UGT1A7: variants seen among roughly 807,000 people sequenced by gnomAD.
UGT1A7 encodes UDP glucuronosyltransferase family 1 member A7.
Under a neutral mutation model 45.6 loss-of-function variants are expected in UGT1A7, and 33 were observed. The ratio of observed to expected loss-of-function variants is 0.72; its 90% confidence interval spans 0.55 to 0.97. The LOEUF (loss-of-function observed/expected upper bound fraction) is 0.97, where lower values mean the gene tolerates loss of function less well. Among genes scored for constraint, UGT1A7 ranks in the 50% least tolerant of loss-of-function variants. The pLI is 0.00. For missense variants in UGT1A7, 684 were observed against 666.2 expected, an observed-to-expected ratio of 1.03 and a Z score of -0.29; for synonymous variants, 274 against 250.6, an observed-to-expected ratio of 1.09 and a Z score of -0.88.
At chr2:233,743,656 G>C (rs528527073) in intron 1 of UGT1A7, 2 of 1,367,266 alleles carry the variant, frequency 1.5e-6, no homozygotes, top group Non-Finnish European at 2.0e-6. Context: ...AGACGTACTC[G>C]AAGGGGTCCT....
At chr2:233,736,828 G>T (rs2078816893) in intron 1 of UGT1A7, among the ~76,000 whole-genome samples, 1 of 152,192 alleles carries the variant, frequency 6.6e-6, no homozygotes, top group Admixed American at 6.5e-5. Flanking sequence ...GATGCTCTTT[G>T]CTTTGGTATC....
In UGT1A7 at chr2:233,683,386, T is replaced by C. The variant is rs1016701211; in HGVS notation, c.855+594T>C. Among the ~76,000 whole-genome samples, 8 of 152,198 alleles carry C rather than the reference T, an allele frequency of 5.3e-5. No individual in the cohort carries two copies. The South Asian group carries it at 8.3e-4, about 16-fold the overall frequency. Reference sequence around the variant, plus strand: ...AATGTAGTTTTCCAACCAATTAAGATTGATAGAGATTTAAGTGTTTTCCAC... The same window carrying C: ...AATGTAGTTTTCCAACCAATTAAGACTGATAGAGATTTAAGTGTTTTCCAC... On this transcript the variant is annotated intron_variant, in intron 1 of 4. Coordinates refer to ENST00000373426, the MANE Select transcript of UGT1A7 (RefSeq NM_019077.3).
In UGT1A7 at chr2:233,743,685, T is replaced by C. The variant is rs192235508; in HGVS notation, c.856-23349T>C. The C allele has an allele frequency of 2.3e-3, 3,085 of 1,367,218 alleles. 13 individuals carry two copies. The highest frequency in any genetic ancestry group is 0.017 in the Middle Eastern group (80 of 4,768). The allele number at this position is 1,367,218 out of a possible 1,614,324, so 84.7% of individuals were successfully genotyped here. A position where few individuals can be genotyped will look rare whatever the true frequency, so the allele number is the denominator to read the frequency against. On this transcript the variant is annotated intron_variant, in intron 1 of 4. Coordinates refer to ENST00000373426, the MANE Select transcript of UGT1A7 (RefSeq NM_019077.3). ...GGGTCCTCGAAGGGCCTGCCGCCTG[T>C]GCAGCCGCCCTCCGCCCCCGCCTCG...
intron 1 of UGT1A7, among the ~76,000 whole-genome samples, chr2:233,726,233 C>G (rs536787138): frequency 6.6e-6 from 1 of 152,166 alleles, no homozygotes; most frequent in Non-Finnish European, 1.5e-5. Flanking sequence ...TTTTTTAAAA[C>G]TCCAATATGA....
At chr2:233,693,025 A>G in intron 1 of UGT1A7, 1 of 1,614,122 alleles carries the variant, frequency 6.2e-7, no homozygotes, top group Non-Finnish European at 8.5e-7. Context: ...TCCTTCGCTC[A>G]TTTCAGAGAA....
chr2:233,717,511 GA>G (rs781193687), intron 1 of UGT1A7, among the ~76,000 whole-genome samples: 30 of 152,328 alleles, frequency 2.0e-4, no homozygotes, highest in Non-Finnish European at 3.5e-4. Context: ...TTTCTAATGG[GA>G]GTAACTTCCT....
chr2:233,695,332 G>A (rs1375562980), intron 1 of UGT1A7, among the ~76,000 whole-genome samples: 1 of 151,752 alleles, frequency 6.6e-6, no homozygotes, highest in African/African-American at 2.4e-5. Flanking sequence ...CACCACGTTG[G>A]CCAGGATGGT....
At chr2:233,719,379 T>C in intron 1 of UGT1A7, 1 of 1,613,988 alleles carries the variant, frequency 6.2e-7, no homozygotes, top group Non-Finnish European at 8.5e-7. Context: ...GGGCACACAG[T>C]GTCCAAATCC....
At chr2:233,742,280 A>G (rs1486280024) in intron 1 of UGT1A7, among the ~76,000 whole-genome samples, 2 of 152,020 alleles carry the variant, frequency 1.3e-5, no homozygotes, top group Non-Finnish European at 2.9e-5. Flanking sequence ...GATAAGCATC[A>G]TTTCTATAGA....
At chr2:233,720,316 G>A (rs1418741193) in intron 1 of UGT1A7, among the ~76,000 whole-genome samples, 1 of 152,090 alleles carries the variant, frequency 6.6e-6, no homozygotes, top group Admixed American at 6.5e-5. Context: ...TGTATGATGT[G>A]GGGACATCGT....
In UGT1A7 at chr2:233,746,570, C is replaced by T. The variant is rs537470722; in HGVS notation, c.856-20464C>T. Among the ~76,000 whole-genome samples the T allele has an allele frequency of 1.8e-3, 270 of 151,834 alleles. 4 individuals are homozygous for T. The highest frequency in any genetic ancestry group is 3.0e-3 in the Non-Finnish European group (201 of 68,008). ...CTTCTTAGCCCCTAGAGCACCACACCCTGTAATTGCCTAGTTGTGAGTTTG... is the reference window on the plus strand; with the variant it reads ...CTTCTTAGCCCCTAGAGCACCACACTCTGTAATTGCCTAGTTGTGAGTTTG... On this transcript the variant is annotated intron_variant, in intron 1 of 4. Coordinates refer to ENST00000373426, the MANE Select transcript of UGT1A7 (RefSeq NM_019077.3).
chr2:233,693,063 T>C, intron 1 of UGT1A7: 1 of 1,614,188 alleles, frequency 6.2e-7, no homozygotes, highest in Admixed American at 1.7e-5. Context: ...TTCTTAGCAC[T>C]TTGGGGCATG....
At chr2:233,704,796 T>TTA (rs2075807222) in intron 1 of UGT1A7, among the ~76,000 whole-genome samples, 1 of 152,134 alleles carries the variant, frequency 6.6e-6, no homozygotes, top group African/African-American at 2.4e-5. Flanking sequence ...AACAATATAA[T>TTA]TATATATATG....
intron 1 of UGT1A7, among the ~76,000 whole-genome samples, chr2:233,757,055 C>T (rs1475700124): frequency 1.3e-5 from 2 of 151,398 alleles, no homozygotes; most frequent in African/African-American, 2.4e-5. Flanking sequence ...GTTTGGGGAA[C>T]AGCAAGGGAT....
rs1443134850 is a variant in UGT1A7, at chr2:233,719,013, G to A, written c.855+36221G>A. 5 of 1,614,222 alleles carry A rather than the reference G, an allele frequency of 3.1e-6. No homozygotes were observed. The African/African-American group carries it at 5.3e-5, about 17-fold the overall frequency. On this transcript the variant is annotated intron_variant, in intron 1 of 4. Transcript: ENST00000373426. ...CCAGGCGGTGGTCCTCACCCCAGAG[G>A]TGAATATGCACATCAAAGAAGAGAA... is the stretch of plus-strand genomic sequence containing the variant.
intron 1 of UGT1A7, chr2:233,754,796 A>T (rs1379144475): frequency 8.1e-7 from 1 of 1,232,848 alleles, no homozygotes; most frequent in African/African-American, 1.5e-5. Context: ...GAAATCCTGT[A>T]TCAAAAGAAG....
At chr2:233,743,956 G>C in intron 1 of UGT1A7, 2 of 1,338,248 alleles carry the variant, frequency 1.5e-6, no homozygotes, top group Non-Finnish European at 2.0e-6. Flanking sequence ...CTGGCACAGC[G>C]AGCGGCAAGG....
At position 233,748,684 on chromosome 2, in the gene UGT1A7, A is replaced by C. The variant is rs576819549; in HGVS notation, c.856-18350A>C. On this transcript the variant is annotated intron_variant, in intron 1 of 4. Transcript: ENST00000373426. ...TCCAGAGAGGGATCTGTGCTGACAA[A>C]AGATTTTTCTGGTCAGGATTTGGGG... Among the ~76,000 whole-genome samples, 46 of 151,796 alleles carry C rather than the reference A, an allele frequency of 3.0e-4. 1 individual carries two copies. Among genetic ancestry groups the C allele is most frequent in the Non-Finnish European group, 4.4e-4 (30 of 68,030 alleles).
intron 1 of UGT1A7, chr2:233,747,550 G>C: frequency 6.2e-6 from 10 of 1,601,970 alleles, no homozygotes; most frequent in Non-Finnish European, 7.7e-6. Context: ...TTTTCTAAAA[G>C]TATGGCAATT....
Sources: gnomAD v4.1 joint callset for allele counts (sites outside exome capture counted in the v4.1 genomes callset) on GRCh38, gnomAD v4.1.1 for gene constraint, MANE v1.5 for transcripts, NCBI Gene and HGNC (gene_info 2026-07-23, HGNC 2026-07-21) for gene names.